ZNF248: variants seen among roughly 807,000 people sequenced by gnomAD.
ZNF248 encodes the protein zinc finger protein 248.
Under a neutral mutation model 44.3 loss-of-function variants are expected in ZNF248, and 20 were observed. The observed-to-expected ratio is 0.45, with a 90% CI of 0.32 to 0.66. The LOEUF (loss-of-function observed/expected upper bound fraction) is 0.66, where lower values mean the gene tolerates loss of function less well. Ranked by LOEUF, ZNF248 falls within the 30% of genes least tolerant of loss-of-function variation. ZNF248 has a pLI of 0.04. For synonymous variants in ZNF248, 224 were observed against 229.0 expected, an observed-to-expected ratio of 0.98 and a Z score of 0.20; for missense variants, 654 against 677.0, an observed-to-expected ratio of 0.97 and a Z score of 0.38.
At chr10:37,764,427 C>A in the ZNF248 span, among the ~76,000 whole-genome samples, 1 of 152,210 alleles carries the variant, frequency 6.6e-6, no homozygotes, top group Non-Finnish European at 1.5e-5. Context: ...CACCCCAGTC[C>A]TGTGATTTCG....
intron 6 of ZNF248, among the ~76,000 whole-genome samples, chr10:37,805,534 T>C (rs182383430): frequency 1.3e-5 from 2 of 152,358 alleles, no homozygotes; most frequent in South Asian, 4.1e-4. Context: ...ATATTTTCTT[T>C]ATTTCCACAT....
chr10:37,800,015 C>T (rs2049609608), intron 6 of ZNF248, among the ~76,000 whole-genome samples: 1 of 151,460 alleles, frequency 6.6e-6, no homozygotes, highest in Non-Finnish European at 1.5e-5. Context: ...CAAGACACAC[C>T]TGGGCAACAT....
the ZNF248 span, among the ~76,000 whole-genome samples, chr10:37,759,979 T>C: frequency 6.6e-6 from 1 of 152,000 alleles, no homozygotes; most frequent in Admixed American, 6.5e-5. Context: ...CAGTTGGTAA[T>C]GTTGAGGTGG....
intron 6 of ZNF248, among the ~76,000 whole-genome samples, chr10:37,779,012 G>A (rs1361785798): frequency 6.6e-6 from 1 of 152,116 alleles, no homozygotes; most frequent in Non-Finnish European, 1.5e-5. Flanking sequence ...TGAAATTGTG[G>A]CAATAATCAA....
chr10:37,826,353 G>C (rs2054389594), downstream of ZNF248, among the ~76,000 whole-genome samples: 1 of 152,194 alleles, frequency 6.6e-6, no homozygotes, highest in South Asian at 2.1e-4. Flanking sequence ...TATGACTTCT[G>C]TGGTAAAGTC....
At chr10:37,799,806 G>T (rs562599527) in intron 6 of ZNF248, among the ~76,000 whole-genome samples, 2 of 152,290 alleles carry the variant, frequency 1.3e-5, no homozygotes, top group South Asian at 2.1e-4. Context: ...AGGGTTGGTT[G>T]CAACTGGTGT....
chr10:37,821,062 CA>C, intron 6 of ZNF248: 3 of 840,096 alleles, frequency 3.6e-6, no homozygotes, highest in South Asian at 1.4e-5. Context: ...CAGTTATGCT[CA>C]CTTCACTGAG....
chr10:37,773,988 T>TAC (rs139568981), downstream of ZNF248, among the ~76,000 whole-genome samples: 4,655 of 149,236 alleles, frequency 0.031, 177 homozygotes, highest in African/African-American at 0.089. Context: ...TGAAAATGAA[T>TAC]ACACACACAC....
chr10:37,847,209 T>TTTTA lies in ZNF248; in HGVS notation c.15+9083_15+9086dup, dbSNP rs1554853540. Among the ~76,000 whole-genome samples the TTTTA allele has an allele frequency of 5.9e-5, 9 of 152,156 alleles. No homozygotes were observed. The South Asian group carries it at 1.7e-3, about 28-fold the overall frequency. On this transcript the variant is annotated intron_variant, in intron 3 of 5. Coordinates refer to ENST00000395867, the MANE Select transcript of ZNF248 (RefSeq NM_021045.3). ...TGCCCAGCTAACTTTTTATTTTTATTTTTATTTATTTATTTATTTTTTGAG... is the reference window on the plus strand; with the variant it reads ...TGCCCAGCTAACTTTTTATTTTTATTTTTATTTATTTATTTATTTATTTTTTGAG...
At chr10:37,804,408 TA>T (rs2050249589) in intron 6 of ZNF248, among the ~76,000 whole-genome samples, 1 of 151,950 alleles carries the variant, frequency 6.6e-6, no homozygotes, top group African/African-American at 2.4e-5. Context: ...TGAATTATAA[TA>T]GTGAATCTTA....
At chr10:37,858,054 A>G (rs1050804241), upstream of ZNF248, 1 of 152,238 alleles carries the variant, frequency 6.6e-6, no homozygotes, top group African/African-American at 2.4e-5. Flanking sequence ...CCCACAAGGG[A>G]CTGGAGTCCA....
In ZNF248 at chr10:37,830,263, G is replaced by A; in HGVS notation, c.*1352C>T. On this transcript the variant is annotated 3_prime_UTR_variant, in exon 6 of 6. Transcript: ENST00000395867. ...ATTTACATTACAGAATGACCCAGAGGTAGCTGAAAAACCTCAGAAAAGTAC... is the reference window on the plus strand; with the variant it reads ...ATTTACATTACAGAATGACCCAGAGATAGCTGAAAAACCTCAGAAAAGTAC... 1 of 985,294 alleles carries A rather than the reference G, an allele frequency of 1.0e-6. No individual in the cohort carries two copies. Among genetic ancestry groups the A allele is most frequent in the Non-Finnish European group, 1.2e-6 (1 of 829,920 alleles). The allele number at this position is 985,294 out of a possible 1,614,324, so 61.0% of individuals were successfully genotyped here.
At chr10:37,798,516 T>C (rs1376306938) in intron 6 of ZNF248, among the ~76,000 whole-genome samples, 2 of 152,194 alleles carry the variant, frequency 1.3e-5, no homozygotes, top group Non-Finnish European at 2.9e-5. Flanking sequence ...TACTGTTATA[T>C]GTAAAAATTA....
intron 6 of ZNF248, chr10:37,819,818 T>G: frequency 1.3e-6 from 1 of 787,508 alleles, no homozygotes; most frequent in Non-Finnish European, 2.3e-6. Flanking sequence ...GGCAGGAGGT[T>G]TCCGCTTTGC....
chr10:37,831,964 T>C lies in ZNF248; in HGVS notation c.1391A>G (p.Tyr464Cys), dbSNP rs1270625114. The C allele has an allele frequency of 2.5e-6, 4 of 1,614,028 alleles. No homozygotes were observed. Among genetic ancestry groups the C allele is most frequent in the South Asian group, 1.1e-5 (1 of 91,090 alleles). Residue 464 changes from tyrosine (Y) to cysteine (C), a missense_variant, in exon 6 of 6, where the codon TAT becomes TGT. Coordinates refer to ENST00000395867, the MANE Select transcript of ZNF248 (RefSeq NM_021045.3). Reference protein sequence around the residue: ...HQRTHTGEKPYECNACGKSFC... With the variant: ...HQRTHTGEKPCECNACGKSFC... ...GGATTTCCCACATGCATTACATTCA[T>C]AGGGCTTCTCCCCTGTGTGTGTTCT...
chr10:37,802,769 T>C (rs1390428145), intron 6 of ZNF248: 1 of 152,214 alleles, frequency 6.6e-6, no homozygotes, highest in East Asian at 1.9e-4. Context: ...AAGGATCTTT[T>C]AATTTTAAAA....
chr10:37,777,620 G>A (rs1244028606), intron 6 of ZNF248, among the ~76,000 whole-genome samples: 2 of 148,604 alleles, frequency 1.3e-5, no homozygotes, highest in Non-Finnish European at 3.0e-5. Context: ...GTGCCATGCT[G>A]GTGCGCTGCA....
At chr10:37,768,791 T>C in the ZNF248 span, among the ~76,000 whole-genome samples, 381 of 151,934 alleles carry the variant, frequency 2.5e-3, no homozygotes, top group Non-Finnish European at 3.8e-3. Context: ...CTGAAGGAAA[T>C]AGAGACATAA....
At chr10:37,787,019 C>T (rs1028150423) in intron 6 of ZNF248, among the ~76,000 whole-genome samples, 1 of 152,082 alleles carries the variant, frequency 6.6e-6, no homozygotes, top group Non-Finnish European at 1.5e-5. Flanking sequence ...TTGGCTCATG[C>T]CTTTAATCCC....
Sources: gnomAD v4.1 joint callset for allele counts (sites outside exome capture counted in the v4.1 genomes callset) on GRCh38, gnomAD v4.1.1 for gene constraint, MANE v1.5 for transcripts, NCBI Gene and HGNC (gene_info 2026-07-23, HGNC 2026-07-21) for gene names.